Variants in RPS6KC1 observed in about 807,000 individuals in gnomAD.
RPS6KC1 encodes inactive ribosomal protein S6 kinase delta-1.
Under a neutral mutation model 103.8 loss-of-function variants are expected in RPS6KC1, and 54 were observed. That is an observed-to-expected ratio of 0.52 (90% confidence interval 0.42 to 0.65). RPS6KC1 has a LOEUF of 0.65. RPS6KC1 is among the 30% of genes least tolerant of loss of function. The pLI, the probability that RPS6KC1 is intolerant of heterozygous loss-of-function variation, is 0.00. For missense variants in RPS6KC1, 1,151 were observed against 1,253.8 expected, an observed-to-expected ratio of 0.92 and a Z score of 1.24; for synonymous variants, 439 against 438.7, an observed-to-expected ratio of 1.00 and a Z score of -0.01.
the RPS6KC1 span, among the ~76,000 whole-genome samples, chr1:213,660,496 G>A: frequency 3.9e-5 from 6 of 152,178 alleles, no homozygotes; most frequent in Admixed American, 6.5e-5. Flanking sequence ...AAAATCAGTC[G>A]TTGCTCATGC....
At chr1:213,764,596 G>A in the RPS6KC1 span, among the ~76,000 whole-genome samples, 1 of 152,102 alleles carries the variant, frequency 6.6e-6, no homozygotes, top group African/African-American at 2.4e-5. Context: ...CATTCCAGCT[G>A]GCATTGGCCT....
chr1:213,811,890 A>T, the RPS6KC1 span, among the ~76,000 whole-genome samples: 1 of 152,238 alleles, frequency 6.6e-6, no homozygotes, highest in Non-Finnish European at 1.5e-5. Context: ...TCGAAATTCA[A>T]CCACTGAGCA....
the RPS6KC1 span, among the ~76,000 whole-genome samples, chr1:213,305,893 A>G: frequency 6.6e-6 from 1 of 152,148 alleles, no homozygotes; most frequent in Non-Finnish European, 1.5e-5. Context: ...CTGAGAATCT[A>G]GTCACCACTC....
At chr1:213,579,569 C>G in the RPS6KC1 span, among the ~76,000 whole-genome samples, 2 of 152,040 alleles carry the variant, frequency 1.3e-5, no homozygotes. Flanking sequence ...ACAAAACAGA[C>G]TTTTATTGGA....
At chr1:213,109,434 G>A (rs1359433309) in intron 4 of RPS6KC1, among the ~76,000 whole-genome samples, 1 of 152,140 alleles carries the variant, frequency 6.6e-6, no homozygotes, top group Non-Finnish European at 1.5e-5. Flanking sequence ...ACCGTGCCCG[G>A]CCCGATATTC....
At chr1:213,558,376 G>A in the RPS6KC1 span, among the ~76,000 whole-genome samples, 2 of 152,204 alleles carry the variant, frequency 1.3e-5, no homozygotes, top group African/African-American at 4.8e-5. Context: ...ATTGTCAGGA[G>A]AGGAAGGGAG....
intron 8 of RPS6KC1, chr1:213,205,166 T>C (rs72745843): frequency 0.099 from 76,006 of 767,670 alleles, 4,226 homozygotes; most frequent in Non-Finnish European, 0.11. Flanking sequence ...ACCTGTCTGT[T>C]TGAGTATCAC....
chr1:213,805,853 G>T, the RPS6KC1 span, among the ~76,000 whole-genome samples: 1 of 152,260 alleles, frequency 6.6e-6, no homozygotes, highest in Admixed American at 6.5e-5. Flanking sequence ...AGACTTGAAA[G>T]TCAAAATTAC....
At chr1:213,722,744 G>T in the RPS6KC1 span, among the ~76,000 whole-genome samples, 1 of 152,148 alleles carries the variant, frequency 6.6e-6, no homozygotes, top group Admixed American at 6.5e-5. Flanking sequence ...TGTCCTGCCT[G>T]CCCAGAGGAG....
At chr1:213,756,268 T>A in the RPS6KC1 span, among the ~76,000 whole-genome samples, 8 of 152,328 alleles carry the variant, frequency 5.3e-5, no homozygotes, top group South Asian at 8.3e-4. Flanking sequence ...CAGAAATGGA[T>A]TCTGCAATCT....
At chr1:213,626,259 C>T in the RPS6KC1 span, among the ~76,000 whole-genome samples, 1 of 152,084 alleles carries the variant, frequency 6.6e-6, no homozygotes, top group African/African-American at 2.4e-5. Flanking sequence ...TATCCTTTGC[C>T]CACTTTTTGA....
the RPS6KC1 span, among the ~76,000 whole-genome samples, chr1:213,559,653 C>G: frequency 2.6e-5 from 4 of 152,146 alleles, no homozygotes; most frequent in African/African-American, 9.7e-5. Flanking sequence ...GTGCTGCAAC[C>G]TTTGCCCGAG....
chr1:213,643,292 A>G, the RPS6KC1 span, among the ~76,000 whole-genome samples: 3 of 151,896 alleles, frequency 2.0e-5, no homozygotes, highest in Non-Finnish European at 2.9e-5. Context: ...TTATTTATTC[A>G]AGTTTCTTTT....
At chr1:213,807,969 T>G in the RPS6KC1 span, among the ~76,000 whole-genome samples, 1 of 152,220 alleles carries the variant, frequency 6.6e-6, no homozygotes, top group African/African-American at 2.4e-5. Flanking sequence ...GGATGTCCTT[T>G]CTGTTTGTTA....
chr1:213,595,079 C>T, the RPS6KC1 span, among the ~76,000 whole-genome samples: 22 of 152,208 alleles, frequency 1.4e-4, no homozygotes, highest in African/African-American at 4.3e-4. Flanking sequence ...AGAAAAATTT[C>T]CTGTTTATTA....
the RPS6KC1 span, among the ~76,000 whole-genome samples, chr1:213,765,112 T>A: frequency 6.6e-6 from 1 of 152,120 alleles, no homozygotes; most frequent in African/African-American, 2.4e-5. Flanking sequence ...CCAAGCTCCT[T>A]TCAGAGAGAT....
At chr1:213,837,221 C>T in the RPS6KC1 span, 1 of 152,090 alleles carries the variant, frequency 6.6e-6, no homozygotes, top group Admixed American at 6.5e-5. Context: ...GAACATATTT[C>T]ACCTCATTGC....
the RPS6KC1 span, among the ~76,000 whole-genome samples, chr1:213,602,192 C>CTTT: frequency 1.9e-3 from 97 of 51,412 alleles, no homozygotes; most frequent in African/African-American, 7.3e-3. Flanking sequence ...CTTTCTTTTT[C>CTTT]CCTCCCTCCC....
chr1:213,221,614 TA>T (rs1440499164), intron 8 of RPS6KC1, among the ~76,000 whole-genome samples: 1 of 152,206 alleles, frequency 6.6e-6, no homozygotes, highest in East Asian at 1.9e-4. Flanking sequence ...ATTAGCATAC[TA>T]AAACCTTTGT....
Sources: gnomAD v4.1 joint callset for allele counts (sites outside exome capture counted in the v4.1 genomes callset) on GRCh38, gnomAD v4.1.1 for gene constraint, MANE v1.5 for transcripts, NCBI Gene and HGNC (gene_info 2026-07-23, HGNC 2026-07-21) for gene names.